SAMD5: variants seen among roughly 807,000 people sequenced by gnomAD.
SAMD5 encodes the protein sterile alpha motif domain containing 5, also known as sterile alpha motif domain-containing protein 5.
Under a neutral mutation model 11.3 loss-of-function variants are expected in SAMD5, and 13 were observed. The ratio of observed to expected loss-of-function variants is 1.15; its 90% CI spans 0.75 to 1.83. The LOEUF (loss-of-function observed/expected upper bound fraction) is 1.83. Ranked by LOEUF, SAMD5 falls within the 40% of genes most tolerant of loss-of-function variation. SAMD5 has a pLI of 0.00. For missense variants in SAMD5, 255 were observed against 239.1 expected, an observed-to-expected ratio of 1.07 and a Z score of -0.44; for synonymous variants, 129 against 111.3, an observed-to-expected ratio of 1.16 and a Z score of -1.00.
chr6:147,611,479 C>T (rs2128449167), intron 1 of SAMD5, among the ~76,000 whole-genome samples: 1 of 152,086 alleles, frequency 6.6e-6, no homozygotes. Flanking sequence ...AGGAGAATCG[C>T]TTGAGCCCAG....
chr6:147,873,395 T>C, the SAMD5 span, among the ~76,000 whole-genome samples: 1 of 151,674 alleles, frequency 6.6e-6, no homozygotes, highest in African/African-American at 2.4e-5. Flanking sequence ...AAAAAAGTAA[T>C]TTAACAACTA....
chr6:147,871,545 T>C, the SAMD5 span, among the ~76,000 whole-genome samples: 1 of 152,214 alleles, frequency 6.6e-6, no homozygotes, highest in Non-Finnish European at 1.5e-5. Flanking sequence ...GAAAGAGAGA[T>C]ACAAAGGTGA....
At chr6:147,617,795 T>A (rs1220123676) in intron 1 of SAMD5, among the ~76,000 whole-genome samples, 1 of 152,218 alleles carries the variant, frequency 6.6e-6, no homozygotes, top group Non-Finnish European at 1.5e-5. Context: ...TCCAAGTCTG[T>A]CTGTGACTGA....
At chr6:147,793,605 G>C in the SAMD5 span, among the ~76,000 whole-genome samples, 4 of 152,082 alleles carry the variant, frequency 2.6e-5, no homozygotes, top group Admixed American at 1.3e-4. Flanking sequence ...TTATTTTATT[G>C]TATGGATGGA....
chr6:147,609,574 G>A (rs1218311880), intron 1 of SAMD5, among the ~76,000 whole-genome samples: 1 of 152,060 alleles, frequency 6.6e-6, no homozygotes, highest in African/African-American at 2.4e-5. Flanking sequence ...CTTTGAGACG[G>A]AATCTCACCC....
rs753848329 is a variant in SAMD5, at chr6:147,564,392, A to G, written c.460-2A>G. On this transcript the variant is annotated splice_acceptor_variant, in intron 1 of 1. Transcript: ENST00000367474. LOFTEE classifies it high-confidence loss of function. ...ATAACCCAGATATGTTCAAATCCACAGGTCCCAATGGCTGGCATCCTAGAG... is the reference window on the plus strand; with the variant it reads ...ATAACCCAGATATGTTCAAATCCACGGGTCCCAATGGCTGGCATCCTAGAG... 5.1e-6 allele frequency: 4 copies of G among 780,750 alleles called. No individual in the cohort carries two copies. The highest frequency in any genetic ancestry group is 1.3e-5 in the South Asian group (1 of 74,578). 48.4% of individuals were successfully genotyped at this position (780,750 alleles called of 1,614,324 possible).
At chr6:147,532,033 G>A (rs1022290719) in intron 1 of SAMD5, among the ~76,000 whole-genome samples, 2 of 152,180 alleles carry the variant, frequency 1.3e-5, no homozygotes, top group East Asian at 1.9e-4. Context: ...TAACTATAAC[G>A]TAGACATTAC....
At chr6:147,578,771 C>G (rs537981167) in intron 1 of SAMD5, among the ~76,000 whole-genome samples, 1 of 140,928 alleles carries the variant, frequency 7.1e-6, no homozygotes, top group East Asian at 2.1e-4. Flanking sequence ...TACAGAACAT[C>G]AAAAGTAATA....
chr6:147,556,975 G>A (rs1265541887), intron 1 of SAMD5, among the ~76,000 whole-genome samples: 1 of 152,172 alleles, frequency 6.6e-6, no homozygotes, highest in Non-Finnish European at 1.5e-5. Context: ...AAGAAAAACA[G>A]TAGTTCTGTA....
the SAMD5 span, among the ~76,000 whole-genome samples, chr6:147,754,620 T>C: frequency 6.6e-6 from 1 of 152,100 alleles, no homozygotes; most frequent in Non-Finnish European, 1.5e-5. Flanking sequence ...GGAGTATTCC[T>C]CAAGAAATCT....
At chr6:147,805,164 A>G in the SAMD5 span, among the ~76,000 whole-genome samples, 2 of 152,364 alleles carry the variant, frequency 1.3e-5, no homozygotes, top group South Asian at 4.1e-4. Context: ...GCCCAGTTAT[A>G]TGAGTCTAAC....
intron 1 of SAMD5, among the ~76,000 whole-genome samples, chr6:147,560,902 C>T (rs1164684554): frequency 6.6e-6 from 1 of 152,136 alleles, no homozygotes. Context: ...CTGAGAAAGT[C>T]ACAACCCAAG....
Position 147,509,303 on chromosome 6 carries a change from C to A in SAMD5, c.375C>A (p.Tyr125Ter). 1 of 1,578,822 alleles carries A rather than the reference C, an allele frequency of 6.3e-7. No individual in the cohort carries two copies. Among genetic ancestry groups the A allele is most frequent in the Non-Finnish European group, 8.6e-7 (1 of 1,164,748 alleles). Reference sequence around the variant, plus strand: ...CCCGCAGCAGGGAGCTGGTGAGCTACCCCAAACTGAAGCTGAAGATCATGA... The same window carrying A: ...CCCGCAGCAGGGAGCTGGTGAGCTAACCCAAACTGAAGCTGAAGATCATGA... ...TAPRSRELVS[Y>*]PKLKLKIMIR... Residue 125 changes from tyrosine (Y) to a stop codon, truncating the protein, a stop_gained, in exon 1 of 2, where the codon TAC (tyrosine) becomes TAA (stop). Coordinates refer to ENST00000367474, the MANE Select transcript of SAMD5 (RefSeq NM_001030060.3). LOFTEE classifies it high-confidence loss of function.
At chr6:147,793,788 T>C in the SAMD5 span, among the ~76,000 whole-genome samples, 1 of 152,178 alleles carries the variant, frequency 6.6e-6, no homozygotes, top group African/African-American at 2.4e-5. Flanking sequence ...TCATTTACTT[T>C]TTCACCAGTG....
chr6:147,948,072 T>C, the SAMD5 span, among the ~76,000 whole-genome samples: 13 of 152,306 alleles, frequency 8.5e-5, no homozygotes, highest in African/African-American at 3.1e-4. Flanking sequence ...TAAGTCCTAC[T>C]TCTCAATAAC....
At chr6:147,803,131 CTGTGTGTGTGTGTGTGTGTGTGTGTGTG>C in the SAMD5 span, among the ~76,000 whole-genome samples, 6 of 136,752 alleles carry the variant, frequency 4.4e-5, no homozygotes, top group South Asian at 2.5e-4. Flanking sequence ...GCCTTCCTTT[CTGTGTGTGTGTGTGTGTGTGTGTGTGTG>C]TGTGTGTGTG....
chr6:147,681,534 T>G (rs754987319), intron 1 of SAMD5, among the ~76,000 whole-genome samples: 2 of 152,206 alleles, frequency 1.3e-5, no homozygotes. Context: ...TGATTCCGAT[T>G]GATTATTTTT....
At chr6:147,556,030 GA>G (rs1378631520) in intron 1 of SAMD5, among the ~76,000 whole-genome samples, 7 of 151,742 alleles carry the variant, frequency 4.6e-5, no homozygotes, top group Admixed American at 4.6e-4. Context: ...ATTTTGGGGA[GA>G]ATATATGTTT....
intron 1 of SAMD5, among the ~76,000 whole-genome samples, chr6:147,521,592 G>T (rs1788256160): frequency 6.6e-6 from 1 of 151,932 alleles, no homozygotes; most frequent in African/African-American, 2.4e-5. Flanking sequence ...AACCTGAATT[G>T]CCTCATCTAT....
Sources: allele counts gnomAD v4.1 joint callset (sites outside exome capture counted in the v4.1 genomes callset), GRCh38; gene constraint gnomAD v4.1.1; transcripts MANE v1.5; gene names NCBI Gene and HGNC (gene_info 2026-07-23, HGNC 2026-07-21).